Variants in PDSS2 observed in about 807,000 individuals in gnomAD.
PDSS2 encodes the protein decaprenyl diphosphate synthase subunit 2.
A neutral mutation model predicts 44.5 loss-of-function variants in PDSS2; 31 were observed. The observed-to-expected ratio is 0.70, with a 90% confidence interval of 0.52 to 0.94. The LOEUF (loss-of-function observed/expected upper bound fraction) is 0.94, where lower values mean the gene tolerates loss of function less well. PDSS2 is among the 40% of genes least tolerant of loss of function. The probability of loss-of-function intolerance (pLI) is 0.00; values close to 1 mark genes in which losing one functional copy is unlikely to be tolerated. For missense variants in PDSS2, 452 were observed against 482.2 expected (o/e 0.94, Z 0.59); for synonymous variants, 157 against 180.3 (o/e 0.87, Z 1.03).
chr6:107,161,296 C>G (rs923005904), intron 7 of PDSS2, among the ~76,000 whole-genome samples: 1 of 151,724 alleles, frequency 6.6e-6, no homozygotes, highest in Non-Finnish European at 1.5e-5. Context: ...CTGGCTAACA[C>G]AGAGAAACCC....
chr6:107,313,171 T>C (rs1777096509), intron 2 of PDSS2, among the ~76,000 whole-genome samples: 1 of 152,218 alleles, frequency 6.6e-6, no homozygotes, highest in Non-Finnish European at 1.5e-5. Context: ...TAATTTTATA[T>C]CCTATGCTGA....
rs546762436 is a variant in PDSS2 at position 107,392,340 on chromosome 6, A to G, written c.297-58008T>C. Among the ~76,000 whole-genome samples, 5 of 152,342 alleles carry G rather than the reference A, an allele frequency of 3.3e-5. No individual in the cohort carries two copies. In the Middle Eastern group the frequency reaches 0.017, roughly 518 times the overall value. Reference sequence around the variant, plus strand: ...TTTTGAGTTAACCCATAGAAAATAAAACAGTCAGATACTGCTTGCAGCAGT... The same window carrying G: ...TTTTGAGTTAACCCATAGAAAATAAGACAGTCAGATACTGCTTGCAGCAGT... On this transcript the variant is annotated intron_variant, in intron 1 of 7. Coordinates refer to ENST00000369037, the MANE Select transcript of PDSS2 (RefSeq NM_020381.4).
Position 107,194,624 on chromosome 6 carries a change from G to A in PDSS2, c.1009-770C>T, listed in dbSNP as rs367783119. 3.9e-5 allele frequency among the ~76,000 whole-genome samples: 6 copies of A among 152,290 alleles called. No individual in the cohort carries two copies. In the East Asian group the frequency reaches 7.7e-4, roughly 20 times the overall value. On this transcript the variant is annotated intron_variant, in intron 6 of 7. Transcript: ENST00000369037. ...TATTACATACTCCATCAATTCAGGA[G>A]GCACAAAATGTCAGGCTGTTTCACT...
chr6:107,307,736 T>C (rs1776908524), intron 2 of PDSS2, among the ~76,000 whole-genome samples: 2 of 152,152 alleles, frequency 1.3e-5, no homozygotes, highest in South Asian at 2.1e-4. Context: ...TATTCACTGG[T>C]CTAGTTAATT....
At chr6:107,163,577 A>C (rs1281108999) in intron 7 of PDSS2, among the ~76,000 whole-genome samples, 1 of 152,032 alleles carries the variant, frequency 6.6e-6, no homozygotes, top group Non-Finnish European at 1.5e-5. Context: ...CAATAGGTCT[A>C]TCTTGAAAAG....
intron 4 of PDSS2, among the ~76,000 whole-genome samples, chr6:107,242,046 C>A (rs1206313792): frequency 2.0e-5 from 3 of 152,058 alleles, no homozygotes; most frequent in Non-Finnish European, 4.4e-5. Flanking sequence ...CTCTCTCTGG[C>A]ATCTGAAGTA....
At chr6:107,455,521 G>A (rs944968939) in intron 1 of PDSS2, among the ~76,000 whole-genome samples, 1 of 151,764 alleles carries the variant, frequency 6.6e-6, no homozygotes, top group African/African-American at 2.4e-5. Flanking sequence ...GTTGGGAGGC[G>A]GAGGTGGGCA....
intron 2 of PDSS2, among the ~76,000 whole-genome samples, chr6:107,274,667 CTTTT>C (rs5878910): frequency 2.8e-5 from 3 of 106,552 alleles, no homozygotes. Flanking sequence ...ATCTCTCTCT[CTTTT>C]TTTTTTTTTT....
chr6:107,355,048 T>C (rs1445115914), intron 1 of PDSS2, among the ~76,000 whole-genome samples: 2 of 152,110 alleles, frequency 1.3e-5, no homozygotes, highest in Non-Finnish European at 2.9e-5. Flanking sequence ...TTCTCCTGCC[T>C]CAGCCTCCCC....
intron 2 of PDSS2, among the ~76,000 whole-genome samples, chr6:107,284,820 A>G (rs1386570593): frequency 1.3e-5 from 2 of 152,252 alleles, no homozygotes; most frequent in Non-Finnish European, 2.9e-5. Flanking sequence ...GATTATGGCA[A>G]CTACTTACTA....
intron 1 of PDSS2, among the ~76,000 whole-genome samples, chr6:107,424,831 G>C (rs907243415): frequency 2.0e-5 from 3 of 152,166 alleles, no homozygotes; most frequent in Non-Finnish European, 2.9e-5. Flanking sequence ...CCTTCTCAAA[G>C]GATATGAACA....
At chr6:107,264,437 G>GGT in intron 3 of PDSS2, 2 of 1,549,068 alleles carry the variant, frequency 1.3e-6, no homozygotes, top group Non-Finnish European at 1.7e-6. Context: ...AATGCTCTTG[G>GGT]GTGTTTAGAC....
At chr6:107,436,801 A>T (rs1406646807) in intron 1 of PDSS2, among the ~76,000 whole-genome samples, 1 of 152,226 alleles carries the variant, frequency 6.6e-6, no homozygotes. Flanking sequence ...ATCATCATAC[A>T]TTATATGTAT....
At chr6:107,229,076 T>C (rs546052018) in intron 4 of PDSS2, among the ~76,000 whole-genome samples, 185 of 152,376 alleles carry the variant, frequency 1.2e-3, no homozygotes, top group Admixed American at 4.1e-3. Context: ...CTCATTGTTT[T>C]ACTTTTAAAC....
chr6:107,278,147 T>A (rs1775850303), intron 2 of PDSS2, among the ~76,000 whole-genome samples: 3 of 152,086 alleles, frequency 2.0e-5, no homozygotes, highest in Admixed American at 1.3e-4. Flanking sequence ...TTGATTTCCT[T>A]TGTTAAAAAA....
intron 1 of PDSS2, among the ~76,000 whole-genome samples, chr6:107,429,927 TATATATATATAC>T (rs1426733581): frequency 4.8e-5 from 5 of 104,106 alleles, no homozygotes; most frequent in Non-Finnish European, 7.7e-5. Flanking sequence ...TATATATATA[TATATATATATAC>T]ACCAAACCCA....
intron 2 of PDSS2, among the ~76,000 whole-genome samples, chr6:107,332,251 C>T (rs1026828191): frequency 1.1e-4 from 17 of 151,986 alleles, no homozygotes; most frequent in Non-Finnish European, 1.6e-4. Context: ...ACTACAGGCA[C>T]ATGCCACCAT....
intron 2 of PDSS2, among the ~76,000 whole-genome samples, chr6:107,317,323 T>A (rs74963326): frequency 6.6e-6 from 1 of 151,940 alleles, no homozygotes; most frequent in Non-Finnish European, 1.5e-5. Context: ...CACAACCAGA[T>A]GTGGAGGAAA....
At chr6:107,274,360 T>C in intron 2 of PDSS2, 133 bp from the exon 3 acceptor site, 1 of 726,924 alleles carries the variant, frequency 1.4e-6, no homozygotes, top group Non-Finnish European at 2.4e-6. Flanking sequence ...ATCTTTCTAA[T>C]GAATCTTTAA....
Sources: allele counts gnomAD v4.1 joint callset (sites outside exome capture counted in the v4.1 genomes callset), GRCh38; gene constraint gnomAD v4.1.1; transcripts MANE v1.5; gene names NCBI Gene and HGNC (gene_info 2026-07-23, HGNC 2026-07-21).